Variants in PTPRD observed in about 807,000 individuals in gnomAD.
PTPRD encodes the protein protein tyrosine phosphatase receptor type D, also known as receptor-type tyrosine-protein phosphatase delta.
Under a neutral mutation model 214.5 loss-of-function variants are expected in PTPRD, and 34 were observed. That is an observed-to-expected ratio of 0.16 (90% CI 0.12 to 0.21). PTPRD has a LOEUF of 0.21. PTPRD is among the 10% of genes least tolerant of loss of function. The pLI is 1.00. For synonymous variants in PTPRD, 1,128 were observed against 845.7 expected, an observed-to-expected ratio of 1.33 and a Z score of -5.79; for missense variants, 2,545 against 2,398.7, an observed-to-expected ratio of 1.06 and a Z score of -1.27.
intron 8 of PTPRD, among the ~76,000 whole-genome samples, chr9:9,535,050 T>C (rs1304210323): frequency 6.6e-6 from 1 of 152,066 alleles, no homozygotes; most frequent in Non-Finnish European, 1.5e-5. Context: ...AGTGGCAGCA[T>C]CTTTAAATAT....
At chr9:9,966,429 C>G (rs2094704759) in intron 4 of PTPRD, among the ~76,000 whole-genome samples, 1 of 152,050 alleles carries the variant, frequency 6.6e-6, no homozygotes, top group African/African-American at 2.4e-5. Context: ...GCTATGGCAG[C>G]AAGGAGGTAC....
chr9:9,470,918 G>T (rs1323614615), intron 8 of PTPRD, among the ~76,000 whole-genome samples: 1 of 152,150 alleles, frequency 6.6e-6, no homozygotes, highest in East Asian at 1.9e-4. Flanking sequence ...AATCATAAAT[G>T]ATTGGTGGGA....
intron 5 of PTPRD, among the ~76,000 whole-genome samples, chr9:9,863,603 C>G (rs888214162): frequency 2.0e-5 from 3 of 152,146 alleles, no homozygotes; most frequent in Admixed American, 6.5e-5. Flanking sequence ...AGGAGGCAAA[C>G]TTGAGCCCAT....
At chr9:9,131,906 T>G (rs547027663) in intron 10 of PTPRD, among the ~76,000 whole-genome samples, 1 of 152,046 alleles carries the variant, frequency 6.6e-6, no homozygotes, top group Non-Finnish European at 1.5e-5. Context: ...TTTCATGCTT[T>G]GTTGTAATGA....
intron 5 of PTPRD, among the ~76,000 whole-genome samples, chr9:9,786,530 T>A (rs1464400430): frequency 2.0e-5 from 3 of 152,174 alleles, no homozygotes; most frequent in African/African-American, 4.8e-5. Context: ...CACAACAGAA[T>A]GTTATAGGCA....
intron 3 of PTPRD, among the ~76,000 whole-genome samples, chr9:10,215,723 A>G (rs1175998707): frequency 6.6e-6 from 1 of 152,090 alleles, no homozygotes; most frequent in African/African-American, 2.4e-5. Flanking sequence ...ATTTGTAACA[A>G]ACACTGGAAA....
chr9:8,462,286 T>C (rs951601832), intron 32 of PTPRD, among the ~76,000 whole-genome samples: 2 of 151,994 alleles, frequency 1.3e-5, no homozygotes, highest in African/African-American at 4.8e-5. Context: ...ACACTGATAT[T>C]AGCTAATCAG....
intron 10 of PTPRD, among the ~76,000 whole-genome samples, chr9:9,148,011 A>T (rs897150379): frequency 6.6e-6 from 1 of 152,200 alleles, no homozygotes; most frequent in African/African-American, 2.4e-5. Context: ...TTGTTTTAGG[A>T]ATGCAATAAG....
intron 5 of PTPRD, among the ~76,000 whole-genome samples, chr9:9,767,668 T>C (rs2098717893): frequency 6.6e-6 from 1 of 152,116 alleles, no homozygotes; most frequent in Admixed American, 6.5e-5. Flanking sequence ...GCATTCTATC[T>C]GCCTAAAATT....
chr9:8,524,741 T>C, intron 18 of PTPRD, 184 bp downstream of exon 18: 1 of 737,398 alleles, frequency 1.4e-6, no homozygotes, highest in Non-Finnish European at 2.5e-6. Flanking sequence ...ACTCAAGAGT[T>C]GTCTTTTGGA....
intron 3 of PTPRD, among the ~76,000 whole-genome samples, chr9:10,305,108 A>G (rs2096012896): frequency 6.6e-6 from 1 of 152,122 alleles, no homozygotes; most frequent in South Asian, 2.1e-4. Context: ...CCACACATCT[A>G]CAACCATCTG....
chr9:10,253,033 C>T (rs1029002930), intron 3 of PTPRD, among the ~76,000 whole-genome samples: 3 of 152,154 alleles, frequency 2.0e-5, no homozygotes, highest in African/African-American at 7.2e-5. Context: ...ATCCGTCTGC[C>T]TTGGCCTCCC....
chr9:9,920,406 A>G (rs2082230796), intron 5 of PTPRD, among the ~76,000 whole-genome samples: 1 of 152,098 alleles, frequency 6.6e-6, no homozygotes, highest in Non-Finnish European at 1.5e-5. Flanking sequence ...AATTCGAAGG[A>G]ATCTATTTCT....
intron 14 of PTPRD, among the ~76,000 whole-genome samples, chr9:8,582,024 T>C (rs1351353139): frequency 6.6e-6 from 1 of 151,760 alleles, no homozygotes; most frequent in African/African-American, 2.4e-5. Flanking sequence ...GTCTATAAAT[T>C]TCAAAAATGA....
chr9:9,639,496 T>G (rs1202854409), intron 7 of PTPRD, among the ~76,000 whole-genome samples: 2 of 152,228 alleles, frequency 1.3e-5, no homozygotes, highest in Non-Finnish European at 2.9e-5. Flanking sequence ...CAGGCTATGT[T>G]TATCTCAATA....
At chr9:9,561,898 T>A (rs1312149993) in intron 8 of PTPRD, among the ~76,000 whole-genome samples, 1 of 152,234 alleles carries the variant, frequency 6.6e-6, no homozygotes, top group Admixed American at 6.5e-5. Flanking sequence ...TCTCTCTATG[T>A]ATACATGCTG....
chr9:9,669,649 G>C (rs2096789069), intron 7 of PTPRD, among the ~76,000 whole-genome samples: 1 of 152,046 alleles, frequency 6.6e-6, no homozygotes, highest in African/African-American at 2.4e-5. Flanking sequence ...CTATATATTT[G>C]TCTTTAATGA....
intron 9 of PTPRD, among the ~76,000 whole-genome samples, chr9:9,222,860 C>G (rs917957542): frequency 2.0e-5 from 3 of 151,924 alleles, no homozygotes; most frequent in African/African-American, 7.2e-5. Flanking sequence ...GTTAATTTTA[C>G]AGTACAATAT....
chr9:9,315,344 T>C (rs1335057403), intron 9 of PTPRD, among the ~76,000 whole-genome samples: 2 of 152,036 alleles, frequency 1.3e-5, no homozygotes, highest in East Asian at 3.8e-4. Flanking sequence ...TATGTGTGTA[T>C]GTATATACAA....
Sources: gnomAD v4.1 joint callset for allele counts (sites outside exome capture counted in the v4.1 genomes callset) on GRCh38, gnomAD v4.1.1 for gene constraint, MANE v1.5 for transcripts, NCBI Gene and HGNC (gene_info 2026-07-23, HGNC 2026-07-21) for gene names.